The following MYDGF variants were observed in gnomAD, a reference collection of about 807,000 sequenced individuals.
The protein encoded by MYDGF is myeloid-derived growth factor.
In MYDGF, 29 loss-of-function variants were observed where a neutral mutation model predicts 24.2. The observed-to-expected ratio is 1.20, with a 90% confidence interval of 0.89 to 1.63. MYDGF has a LOEUF of 1.63. Ranked by LOEUF, MYDGF falls within the 40% of genes most tolerant of loss-of-function variation. The probability of loss-of-function intolerance (pLI) is 0.00; values close to 1 mark genes in which losing one functional copy is unlikely to be tolerated. For synonymous variants in MYDGF, 105 were observed against 102.5 expected (o/e 1.02, Z -0.15); for missense variants, 245 against 234.8 (o/e 1.04, Z -0.29).
Position 4,670,272 on chromosome 19 carries a change from T to A in MYDGF, c.63A>T (p.Leu21=). 1 of 1,547,272 alleles carries A rather than the reference T, an allele frequency of 6.5e-7. No individual in the cohort carries two copies. Among genetic ancestry groups the A allele is most frequent in the Non-Finnish European group, 8.7e-7 (1 of 1,148,976 alleles). The change falls in exon 1 of 6, where the codon CTA becomes CTT. Residue 21 remains leucine (L), a synonymous_variant. Coordinates refer to ENST00000262947, the MANE Select transcript of MYDGF (RefSeq NM_019107.4). ...CCGCCGGCCTCAGCGCCACGGCCCCTAGGAGCAGCGCGGCCCACAAGCTCG... is the reference window on the plus strand; with the variant it reads ...CCGCCGGCCTCAGCGCCACGGCCCCAAGGAGCAGCGCGGCCCACAAGCTCG... The part of the protein sequence containing the change: ...VGASLWAALL[L]GAVALRPAEA...
chr19:4,662,827 C>T (rs2088480993), intron 3 of MYDGF, among the ~76,000 whole-genome samples: 1 of 151,994 alleles, frequency 6.6e-6, no homozygotes, highest in Admixed American at 6.6e-5. Context: ...ACAGCCACTA[C>T]CCCACAGACT....
In MYDGF at chr19:4,658,095, G is replaced by C. The variant is rs1188741935; in HGVS notation, c.443-11C>G. 5 of 1,605,470 alleles carry C rather than the reference G, an allele frequency of 3.1e-6. No individual in the cohort carries two copies. The Admixed American group carries it at 5.1e-5, about 16-fold the overall frequency. On this transcript the variant is annotated splice_polypyrimidine_tract_variant and intron_variant, in intron 5 of 5. Transcript: ENST00000262947. ...CGGGCCTGTGAGCCACTGCAAGAAAGAAACACATGGTTGGGCCCTCAACAT... is the reference window on the plus strand; with the variant it reads ...CGGGCCTGTGAGCCACTGCAAGAAACAAACACATGGTTGGGCCCTCAACAT...
At chr19:4,668,505 T>C (rs1337878887) in intron 2 of MYDGF, 90 bp downstream of exon 2, 1 of 1,154,584 alleles carries the variant, frequency 8.7e-7, no homozygotes, top group Non-Finnish European at 1.3e-6. Context: ...GTGATATAGG[T>C]GAGACCCAAC....
chr19:4,662,563 C>T (rs924201350), intron 3 of MYDGF, among the ~76,000 whole-genome samples: 1 of 152,054 alleles, frequency 6.6e-6, no homozygotes, highest in Non-Finnish European at 1.5e-5. Flanking sequence ...CAGAGGATGG[C>T]GGCAGGGGCA....
At chr19:4,659,758 C>T (rs2088454868) in intron 5 of MYDGF, 173 bp downstream of exon 5, 1 of 646,508 alleles carries the variant, frequency 1.5e-6, no homozygotes, top group South Asian at 1.7e-5. Context: ...ACAGAACCCA[C>T]AGTGCCACAA....
At chr19:4,658,705 C>T (rs2088444457) in intron 5 of MYDGF, among the ~76,000 whole-genome samples, 1 of 152,200 alleles carries the variant, frequency 6.6e-6, no homozygotes, top group Non-Finnish European at 1.5e-5. Context: ...CCTGATGTTT[C>T]CCAGTGACCC....
chr19:4,668,327 C>T (rs888567370), intron 2 of MYDGF, among the ~76,000 whole-genome samples: 2 of 152,214 alleles, frequency 1.3e-5, no homozygotes, highest in Admixed American at 6.6e-5. Context: ...TAAAATACAA[C>T]ATCCCAACAG....
chr19:4,664,278 A>C (rs2088503479), intron 3 of MYDGF, among the ~76,000 whole-genome samples: 1 of 152,116 alleles, frequency 6.6e-6, no homozygotes, highest in Non-Finnish European at 1.5e-5. Context: ...CATGCAGCTG[A>C]ATTGTGAGCT....
At chr19:4,662,782 C>T (rs1253055446) in intron 3 of MYDGF, among the ~76,000 whole-genome samples, 2 of 152,048 alleles carry the variant, frequency 1.3e-5, no homozygotes, top group African/African-American at 4.8e-5. Context: ...TCTGGTGGGA[C>T]ACATTCCCCG....
At chr19:4,669,720 A>AG (rs1281332755) in intron 1 of MYDGF, among the ~76,000 whole-genome samples, 1 of 152,094 alleles carries the variant, frequency 6.6e-6, no homozygotes, top group Non-Finnish European at 1.5e-5. Context: ...ACCCTCGGTG[A>AG]GGGGGGACCT....
At chr19:4,663,772 C>T (rs2088498705) in intron 3 of MYDGF, among the ~76,000 whole-genome samples, 1 of 104,696 alleles carries the variant, frequency 9.6e-6, no homozygotes, top group Admixed American at 9.3e-5. Flanking sequence ...TCTACCCTCC[C>T]CACCCACCCC....
At chr19:4,664,119 G>C (rs1286347628) in intron 3 of MYDGF, among the ~76,000 whole-genome samples, 1 of 151,984 alleles carries the variant, frequency 6.6e-6, no homozygotes, top group Non-Finnish European at 1.5e-5. Flanking sequence ...GCAATGTCCA[G>C]GACACGCCCA....
intron 2 of MYDGF, 47 bp from the exon 3 acceptor site, chr19:4,664,984 C>A: frequency 6.3e-7 from 1 of 1,592,988 alleles, no homozygotes; most frequent in Non-Finnish European, 8.6e-7. Context: ...CACAGCTGCT[C>A]TCGGAGACTT....
intron 2 of MYDGF, 96 bp downstream of exon 2, chr19:4,668,499 T>C (rs1425624740): frequency 9.6e-7 from 1 of 1,038,028 alleles, no homozygotes; most frequent in African/African-American, 1.6e-5. Flanking sequence ...TGTAAGGTGA[T>C]ATAGGTGAGA....
intron 2 of MYDGF, among the ~76,000 whole-genome samples, chr19:4,665,157 C>T (rs2088510915): frequency 6.6e-6 from 1 of 152,228 alleles, no homozygotes; most frequent in South Asian, 2.1e-4. Flanking sequence ...AAAAGTGGTG[C>T]CTCTAATGAG....
At chr19:4,660,044 A>G (rs1253012155) in intron 4 of MYDGF, 41 bp from the exon 5 acceptor site, 15 of 1,537,706 alleles carry the variant, frequency 9.8e-6, no homozygotes, top group Admixed American at 1.7e-5. Flanking sequence ...GGCCAGTTCA[A>G]TGCTCATCAT....
At position 4,668,661 on chromosome 19, in the gene MYDGF, A is replaced by G. The variant is rs750917384; in HGVS notation, c.175-16T>C. The G allele has an allele frequency of 1.1e-5, 17 of 1,597,878 alleles. No individual in the cohort carries two copies. The East Asian group carries it at 3.4e-4, about 32-fold the overall frequency. On this transcript the variant is annotated splice_polypyrimidine_tract_variant and intron_variant, in intron 1 of 5. Transcript: ENST00000262947. ...TATATTTGTCCTAGAGAATGGAAGG[A>G]AAAAAAAGGTTTGGTAGAAGGAAAT...
At chr19:4,669,592 T>TA (rs2088547390) in intron 1 of MYDGF, among the ~76,000 whole-genome samples, 1 of 152,042 alleles carries the variant, frequency 6.6e-6, no homozygotes, top group South Asian at 2.1e-4. Context: ...CACGCAAGTC[T>TA]AAAAAGAAAT....
Position 4,657,992 on chromosome 19 carries a change from AC to A in MYDGF, c.*12del. Reference sequence around the variant, plus strand: ...CGGAGATGAGAAGGTGCCACCCGCAACAGGGCTGCTGGTCACAGCTCAGTGC... The same window carrying A: ...CGGAGATGAGAAGGTGCCACCCGCAAAGGGCTGCTGGTCACAGCTCAGTGC... On this transcript the variant is annotated 3_prime_UTR_variant, in exon 6 of 6. Transcript: ENST00000262947. 1 of 1,604,738 alleles carries A rather than the reference AC, an allele frequency of 6.2e-7. No individual in the cohort carries two copies. Among genetic ancestry groups the A allele is most frequent in the Non-Finnish European group, 8.5e-7 (1 of 1,176,690 alleles).
Sources: allele counts gnomAD v4.1 joint callset (sites outside exome capture counted in the v4.1 genomes callset), GRCh38; gene constraint gnomAD v4.1.1; transcripts MANE v1.5; gene names NCBI Gene and HGNC (gene_info 2026-07-23, HGNC 2026-07-21).